Variants in DDX4 observed in about 807,000 individuals in gnomAD.
DDX4 encodes probable ATP-dependent RNA helicase DDX4.
A neutral mutation model predicts 100.0 loss-of-function variants in DDX4; 25 were observed. The ratio of observed to expected loss-of-function variants is 0.25; its 90% CI spans 0.18 to 0.35. The LOEUF (loss-of-function observed/expected upper bound fraction) is 0.35, where lower values mean the gene tolerates loss of function less well. Among genes scored for constraint, DDX4 ranks in the 10% least tolerant of loss-of-function variants. DDX4 has a pLI of 1.00. For missense variants in DDX4, 635 were observed against 882.4 expected (o/e 0.72, Z 3.55); for synonymous variants, 259 against 275.7 (o/e 0.94, Z 0.60).
At chr5:55,791,670 A>G (rs970866106) in intron 16 of DDX4, among the ~76,000 whole-genome samples, 1 of 152,150 alleles carries the variant, frequency 6.6e-6, no homozygotes, top group African/African-American at 2.4e-5. Flanking sequence ...AAATACTATA[A>G]TCTAGATCTG....
intron 2 of DDX4, among the ~76,000 whole-genome samples, chr5:55,745,640 C>G (rs1220603646): frequency 1.3e-5 from 2 of 152,114 alleles, no homozygotes; most frequent in South Asian, 4.1e-4. Context: ...CCCGGCTGGT[C>G]TTGAACTCCT....
rs542999709 is a variant in DDX4, at chr5:55,803,730, T to C, written c.1615+5159T>C. On this transcript the variant is annotated intron_variant, in intron 18 of 21. Transcript: ENST00000505374. Reference sequence around the variant, plus strand: ...TTTTCTTAATCCAGTCTATCATTGTTGGACATTTGGGTTGGTTCCAAGTCT... The same window carrying C: ...TTTTCTTAATCCAGTCTATCATTGTCGGACATTTGGGTTGGTTCCAAGTCT... Among the ~76,000 whole-genome samples the C allele has an allele frequency of 1.3e-3, 202 of 152,184 alleles. 1 individual carries two copies. Among genetic ancestry groups the C allele is most frequent in the African/African-American group, 4.8e-3 (199 of 41,524 alleles).
intron 18 of DDX4, among the ~76,000 whole-genome samples, chr5:55,806,781 CTGAGAAGACTGTATATTCTGT>C (rs1349761041): frequency 1.3e-5 from 2 of 152,180 alleles, no homozygotes; most frequent in Admixed American, 1.3e-4. Flanking sequence ...CGGTGTGGTG[CTGAGAAGACTGTATATTCTGT>C]TGATTTGGGT....
chr5:55,747,114 G>A (rs1376365071), intron 3 of DDX4, among the ~76,000 whole-genome samples: 1 of 152,156 alleles, frequency 6.6e-6, no homozygotes, highest in Non-Finnish European at 1.5e-5. Flanking sequence ...TGGGTATGGT[G>A]GCTCATGCCT....
rs376584255 is a variant in DDX4 at position 55,762,206 on chromosome 5, G to A, written c.206-969G>A. On this transcript the variant is annotated intron_variant, in intron 4 of 21. Coordinates refer to ENST00000505374, the MANE Select transcript of DDX4 (RefSeq NM_024415.3). ...ACAGTATATAGGGATCACAGGGAAT[G>A]CTTTAATTTTTTTCTCAGTGATAGT... Among the ~76,000 whole-genome samples, 70 of 152,178 alleles carry A rather than the reference G, an allele frequency of 4.6e-4. 1 individual carries two copies. In the Middle Eastern group the frequency reaches 0.014, roughly 30 times the overall value.
intron 15 of DDX4, 151 bp from the exon 16 acceptor site, chr5:55,790,425 C>A: frequency 5.0e-6 from 3 of 597,992 alleles, no homozygotes; most frequent in South Asian, 4.1e-5. Flanking sequence ...GGATTACAGG[C>A]GTGAGCCACT....
chr5:55,812,549 C>T (rs994893247), intron 18 of DDX4, among the ~76,000 whole-genome samples: 3 of 133,950 alleles, frequency 2.2e-5, no homozygotes, highest in Non-Finnish European at 5.2e-5. Context: ...GCCGAGATTG[C>T]GCCACTGCAC....
In DDX4 at chr5:55,754,853, C is replaced by G. The variant is rs531326383; in HGVS notation, c.128-5347C>G. On this transcript the variant is annotated intron_variant, in intron 3 of 21. Coordinates refer to ENST00000505374, the MANE Select transcript of DDX4 (RefSeq NM_024415.3). ...TTGATTATTGCCACAATTTCAGATA[C>G]TGTTATTGGTCTATTCAGAGATTCA... Among the ~76,000 whole-genome samples, 294 of 152,210 alleles carry G rather than the reference C, an allele frequency of 1.9e-3. 1 individual carries two copies. The highest frequency in any genetic ancestry group is 0.01 in the Middle Eastern group (3 of 294).
intron 3 of DDX4, among the ~76,000 whole-genome samples, chr5:55,753,186 T>G (rs1343343491): frequency 5.3e-5 from 8 of 152,202 alleles, no homozygotes; most frequent in African/African-American, 1.9e-4. Context: ...CTCTTTAGTT[T>G]AATTAGATCC....
Position 55,786,510 on chromosome 5 carries a change from A to C in DDX4, c.865-8A>C, listed in dbSNP as rs764226640. 2 of 1,603,750 alleles carry C rather than the reference A, an allele frequency of 1.2e-6. No homozygotes were observed. Among genetic ancestry groups the C allele is most frequent in the South Asian group, 2.2e-5 (2 of 90,400 alleles). Reference sequence around the variant, plus strand: ...GAATGTAATCACTGCTTTTTTTTAAATTTTCAGACTTTTGAAGAAGCTAAT... The same window carrying C: ...GAATGTAATCACTGCTTTTTTTTAACTTTTCAGACTTTTGAAGAAGCTAAT... On this transcript the variant is annotated splice_region_variant and splice_polypyrimidine_tract_variant and intron_variant, in intron 13 of 21. Coordinates refer to ENST00000505374, the MANE Select transcript of DDX4 (RefSeq NM_024415.3).
chr5:55,785,161 T>C (rs1042380876), intron 10 of DDX4, 136 bp from the exon 11 acceptor site: 4 of 687,630 alleles, frequency 5.8e-6, no homozygotes, highest in Non-Finnish European at 1.0e-5. Flanking sequence ...AAGGTTCTAT[T>C]TAATTGTTTC....
intron 9 of DDX4, among the ~76,000 whole-genome samples, 200 bp downstream of exon 9, chr5:55,781,346 T>C (rs1480531891): frequency 2.6e-5 from 4 of 152,248 alleles, no homozygotes; most frequent in African/African-American, 9.6e-5. Context: ...TTCTGTGTTA[T>C]CTACCAGTTA....
At chr5:55,762,325 C>T (rs1392791976) in intron 4 of DDX4, among the ~76,000 whole-genome samples, 1 of 151,876 alleles carries the variant, frequency 6.6e-6, no homozygotes, top group Non-Finnish European at 1.5e-5. Flanking sequence ...CATCTCTGCT[C>T]TCGAGATTTT....
At chr5:55,794,996 G>C (rs1351635796) in intron 17 of DDX4, among the ~76,000 whole-genome samples, 1 of 139,084 alleles carries the variant, frequency 7.2e-6, no homozygotes, top group Non-Finnish European at 1.5e-5. Context: ...ACAGAGTTTC[G>C]CTCTTGTTGC....
At chr5:55,813,453 G>A (rs1331067902) in intron 18 of DDX4, among the ~76,000 whole-genome samples, 1 of 152,204 alleles carries the variant, frequency 6.6e-6, no homozygotes, top group African/African-American at 2.4e-5. Context: ...GGAGGAAAGA[G>A]AAGCTAATTT....
chr5:55,779,587 G>GTT (rs1381140104), intron 7 of DDX4, among the ~76,000 whole-genome samples: 1 of 152,156 alleles, frequency 6.6e-6, no homozygotes, highest in Non-Finnish European at 1.5e-5. Flanking sequence ...TGAGTAAGAT[G>GTT]TTTACTATAT....
chr5:55,816,332 C>A (rs2112214034), intron 21 of DDX4, 131 bp from the exon 22 acceptor site: 3 of 1,360,502 alleles, frequency 2.2e-6, no homozygotes, highest in Non-Finnish European at 2.9e-6. Flanking sequence ...GAATAAAGTT[C>A]TTTGATTATT....
intron 2 of DDX4, among the ~76,000 whole-genome samples, chr5:55,740,672 A>AT (rs11294945): frequency 9.1e-4 from 103 of 113,614 alleles, no homozygotes; most frequent in Middle Eastern, 8.4e-3. Context: ...CGCCCCGCTA[A>AT]TTTTTTTTTT....
At chr5:55,754,879 A>G (rs1022002014) in intron 3 of DDX4, among the ~76,000 whole-genome samples, 5 of 152,106 alleles carry the variant, frequency 3.3e-5, no homozygotes, top group African/African-American at 4.8e-5. Context: ...CAGAGATTCA[A>G]CTTCTTCCTG....
Sources: allele counts gnomAD v4.1 joint callset (sites outside exome capture counted in the v4.1 genomes callset), GRCh38; gene constraint gnomAD v4.1.1; transcripts MANE v1.5; gene names NCBI Gene and HGNC (gene_info 2026-07-23, HGNC 2026-07-21).